The following PRKG2 variants were observed in gnomAD, a reference collection of about 807,000 sequenced individuals.
PRKG2 encodes protein kinase cGMP-dependent 2, also known as cGMP-dependent protein kinase 2.
PRKG2 carries 33 observed loss-of-function variants against 97.2 expected under a neutral mutation model. The observed-to-expected ratio is 0.34, with a 90% CI of 0.26 to 0.45. The LOEUF is 0.45. Among genes scored for constraint, PRKG2 ranks in the 20% least tolerant of loss-of-function variants. The probability of loss-of-function intolerance (pLI) is 1.00; values close to 1 mark genes in which losing one functional copy is unlikely to be tolerated. For synonymous variants in PRKG2, 330 were observed against 321.8 expected (o/e 1.03, Z -0.27); for missense variants, 638 against 900.0 (o/e 0.71, Z 3.73).
rs549081799 is a variant in PRKG2, at chr4:81,154,982, G to A, written c.913-1261C>T. On this transcript the variant is annotated intron_variant, in intron 6 of 18. Coordinates refer to ENST00000264399, the MANE Select transcript of PRKG2 (RefSeq NM_006259.3). ...GAGGTCAGGAGATCGAGACCATCCC[G>A]GCTAACACGGTGAAACCCCGTCTCT... Among the ~76,000 whole-genome samples the A allele has an allele frequency of 1.5e-3, 224 of 152,052 alleles. 2 individuals are homozygous for A. The highest frequency in any genetic ancestry group is 4.9e-3 in the African/African-American group (201 of 41,424).
intron 2 of PRKG2, chr4:81,193,223 C>A (rs554006591): frequency 6.6e-6 from 1 of 152,032 alleles, no homozygotes; most frequent in East Asian, 1.9e-4. Context: ...TATCTACATG[C>A]AATTAGAAAA....
chr4:81,145,026 G>A (rs1237116065), intron 9 of PRKG2, among the ~76,000 whole-genome samples: 2 of 151,958 alleles, frequency 1.3e-5, no homozygotes, highest in African/African-American at 4.8e-5. Context: ...ATTTGGGTTG[G>A]TTCCAAGTCT....
chr4:81,140,785 AT>A, intron 11 of PRKG2, 116 bp from the exon 12 acceptor site: 1 of 823,988 alleles, frequency 1.2e-6, no homozygotes, highest in Non-Finnish European at 1.8e-6. Context: ...TTAGCCACTT[AT>A]CCCTTTGAGA....
intron 18 of PRKG2, among the ~76,000 whole-genome samples, chr4:81,090,438 G>A (rs1741427037): frequency 2.6e-5 from 4 of 151,690 alleles, no homozygotes; most frequent in South Asian, 4.2e-4. Flanking sequence ...ATCTGCTAGC[G>A]TTCTTCTTCC....
At chr4:81,092,674 A>G (rs565791966) in intron 17 of PRKG2, among the ~76,000 whole-genome samples, 2 of 152,292 alleles carry the variant, frequency 1.3e-5, no homozygotes, top group African/African-American at 2.4e-5. Flanking sequence ...AAGGTCTACA[A>G]TTCTTATTCA....
intron 14 of PRKG2, among the ~76,000 whole-genome samples, chr4:81,129,601 C>T (rs1745956241): frequency 6.6e-6 from 1 of 152,022 alleles, no homozygotes; most frequent in African/African-American, 2.4e-5. Context: ...CCTTCTTTGT[C>T]TTTTTTTATC....
chr4:81,117,069 T>C (rs1028391816), intron 14 of PRKG2, among the ~76,000 whole-genome samples: 2 of 144,620 alleles, frequency 1.4e-5, no homozygotes, highest in Admixed American at 7.1e-5. Context: ...CTTGGCTCAC[T>C]GCAGCCTCAA....
At chr4:81,145,482 T>G (rs1300899793) in intron 9 of PRKG2, among the ~76,000 whole-genome samples, 1 of 152,154 alleles carries the variant, frequency 6.6e-6, no homozygotes, top group Non-Finnish European at 1.5e-5. Context: ...CTTACTTTAG[T>G]AGTTCTCTGA....
Position 81,119,677 on chromosome 4 carries a change from A to AT in PRKG2, c.1777-9067_1777-9066insA, listed in dbSNP as rs1560552656. ...TGAGATTTTGATTGAAACTGAATTG[A>AT]ATTTTTTTTTTTTTTTAGGCGGAGT... is the stretch of plus-strand genomic sequence containing the variant. On this transcript the variant is annotated intron_variant, in intron 14 of 18. Coordinates refer to ENST00000264399, the MANE Select transcript of PRKG2 (RefSeq NM_006259.3). 1.1e-3 allele frequency among the ~76,000 whole-genome samples: 165 copies of AT among 147,978 alleles called. 1 individual carries two copies. The highest frequency in any genetic ancestry group is 3.9e-3 in the African/African-American group (155 of 39,548).
At chr4:81,153,762 A>G (rs780082107) in intron 6 of PRKG2, 41 bp from the exon 7 acceptor site, 2 of 1,465,028 alleles carry the variant, frequency 1.4e-6, no homozygotes, top group South Asian at 1.1e-5. Flanking sequence ...GAGCGGGTGG[A>G]GCCAAGATGG....
chr4:81,183,385 G>A (rs1170233280), intron 2 of PRKG2, among the ~76,000 whole-genome samples: 3 of 152,058 alleles, frequency 2.0e-5, no homozygotes, highest in Non-Finnish European at 4.4e-5. Flanking sequence ...GAAGGACAAG[G>A]GGTCGAGGAA....
In PRKG2 at chr4:81,171,580, T is replaced by C. The variant is rs1001167052; in HGVS notation, c.742+111A>G. On this transcript the variant is annotated intron_variant, in intron 4 of 18. Coordinates refer to ENST00000264399, the MANE Select transcript of PRKG2 (RefSeq NM_006259.3). The stretch of plus-strand genomic sequence containing the variant: ...GCATAGCATTTCTATTATAAGAACA[T>C]ATAGGGTAAAATGGGAAACAGACTG... The C allele has an allele frequency of 8.3e-6, 6 of 719,982 alleles. No homozygotes were observed. In the Admixed American group the frequency reaches 9.2e-5, roughly 11 times the overall value. 44.6% of individuals were successfully genotyped at this position (719,982 alleles called of 1,614,324 possible). A position where few individuals can be genotyped will look rare whatever the true frequency, so the allele number is the denominator to read the frequency against.
At chr4:81,094,775 T>C (rs575049726) in intron 17 of PRKG2, among the ~76,000 whole-genome samples, 1 of 151,452 alleles carries the variant, frequency 6.6e-6, no homozygotes, top group East Asian at 1.9e-4. Flanking sequence ...GTGTAGTGAA[T>C]GCAGAGGAAA....
At chr4:81,156,255 A>G (rs978068595) in intron 6 of PRKG2, among the ~76,000 whole-genome samples, 2 of 152,150 alleles carry the variant, frequency 1.3e-5, no homozygotes, top group African/African-American at 4.8e-5. Context: ...CAAATGGAAA[A>G]CAAAAAAAGG....
At chr4:81,167,600 G>C (rs1348934646) in intron 5 of PRKG2, among the ~76,000 whole-genome samples, 1 of 152,046 alleles carries the variant, frequency 6.6e-6, no homozygotes, top group Non-Finnish European at 1.5e-5. Context: ...TTTGTGCGAG[G>C]AGCTCTGCTT....
At chr4:81,173,972 G>A (rs777408208) in intron 3 of PRKG2, 59 of 152,096 alleles carry the variant, frequency 3.9e-4, no homozygotes, top group Middle Eastern at 3.4e-3. Flanking sequence ...TCAAAAAGTT[G>A]TGCCAGAATG....
At chr4:81,217,364 G>A (rs1368112511), upstream of PRKG2, among the ~76,000 whole-genome samples, 2 of 152,132 alleles carry the variant, frequency 1.3e-5, no homozygotes, top group Admixed American at 6.5e-5. Context: ...AGCTGTCGAT[G>A]CAGTGCAGGC....
chr4:81,164,676 G>GT (rs1443924662), intron 6 of PRKG2, among the ~76,000 whole-genome samples: 1 of 152,052 alleles, frequency 6.6e-6, no homozygotes, highest in Non-Finnish European at 1.5e-5. Flanking sequence ...TTCCGATTCA[G>GT]TAAGTGTGGG....
At chr4:81,157,856 A>C (rs1204363420) in intron 6 of PRKG2, among the ~76,000 whole-genome samples, 1 of 148,790 alleles carries the variant, frequency 6.7e-6, no homozygotes, top group Admixed American at 6.6e-5. Flanking sequence ...AGATGCAGAA[A>C]AGGCCTTTGA....
Sources: gnomAD v4.1 joint callset for allele counts (sites outside exome capture counted in the v4.1 genomes callset) on GRCh38, gnomAD v4.1.1 for gene constraint, MANE v1.5 for transcripts, NCBI Gene and HGNC (gene_info 2026-07-23, HGNC 2026-07-21) for gene names.